The following LDB2 variants were observed in gnomAD, a reference collection of about 807,000 sequenced individuals.
LDB2 encodes LIM domain binding 2, also known as LIM domain-binding protein 2.
LDB2 carries 12 observed loss-of-function variants against 44.3 expected under a neutral mutation model. The ratio of observed to expected loss-of-function variants is 0.27; its 90% CI spans 0.17 to 0.44. The LOEUF (loss-of-function observed/expected upper bound fraction) is 0.44. LDB2 is among the 20% of genes least tolerant of loss of function. LDB2 has a pLI of 1.00. For synonymous variants in LDB2, 164 were observed against 174.8 expected (o/e 0.94, Z 0.49); for missense variants, 344 against 473.5 (o/e 0.73, Z 2.54).
chr4:16,512,348 A>C (rs546578613), intron 5 of LDB2, among the ~76,000 whole-genome samples: 1 of 152,186 alleles, frequency 6.6e-6, no homozygotes, highest in Non-Finnish European at 1.5e-5. Context: ...AGACACACAC[A>C]AACACACACA....
intron 7 of LDB2, chr4:16,506,172 C>T (rs1347948274): frequency 3.7e-6 from 2 of 538,680 alleles, no homozygotes; most frequent in East Asian, 3.0e-5. Flanking sequence ...ACTCAGTAGA[C>T]AGGGTTAAAA....
chr4:16,784,199 TCTC>T (rs571317572), intron 1 of LDB2, among the ~76,000 whole-genome samples: 1 of 151,928 alleles, frequency 6.6e-6, no homozygotes, highest in Non-Finnish European at 1.5e-5. Context: ...GGAAACAAAT[TCTC>T]CTCTTCAGAG....
intron 2 of LDB2, among the ~76,000 whole-genome samples, chr4:16,687,270 A>G (rs553826336): frequency 6.6e-6 from 1 of 152,190 alleles, no homozygotes; most frequent in African/African-American, 2.4e-5. Flanking sequence ...TTTGGAAGGT[A>G]ATAAGGTTAT....
intron 3 of LDB2, among the ~76,000 whole-genome samples, chr4:16,595,184 G>T (rs1720468249): frequency 6.6e-6 from 1 of 151,904 alleles, no homozygotes; most frequent in African/African-American, 2.4e-5. Flanking sequence ...TCACTCTTTT[G>T]TAAGTATACT....
chr4:16,606,905 T>C (rs908356559), intron 2 of LDB2, among the ~76,000 whole-genome samples: 1 of 152,214 alleles, frequency 6.6e-6, no homozygotes, highest in African/African-American at 2.4e-5. Context: ...GTTAGAGAAA[T>C]GTTGCCAGAG....
intron 1 of LDB2, among the ~76,000 whole-genome samples, chr4:16,854,678 TATATAACTATTAC>T (rs1303443410): frequency 6.7e-6 from 1 of 150,132 alleles, no homozygotes. Flanking sequence ...ATATATGTTA[TATATAACTATTAC>T]ATATAACATT....
At chr4:16,871,746 A>T (rs548429664) in intron 1 of LDB2, among the ~76,000 whole-genome samples, 185 of 150,540 alleles carry the variant, frequency 1.2e-3, no homozygotes, top group African/African-American at 4.3e-3. Flanking sequence ...TCAGCCTCCC[A>T]AGTACCTGGG....
chr4:16,813,191 G>T (rs1421293624), intron 1 of LDB2, among the ~76,000 whole-genome samples: 1 of 152,020 alleles, frequency 6.6e-6, no homozygotes, highest in Non-Finnish European at 1.5e-5. Flanking sequence ...TCGCCATGTT[G>T]GTCAGTCTGG....
At position 16,663,540 on chromosome 4, in the gene LDB2, CAT is replaced by C. The variant is rs138427557; in HGVS notation, c.236-67667_236-67666del. ...AGCCTCCTCTACATCACCTTGATGA[CAT>C]GTGCAAATATAATTTGGATGGTTTT... On this transcript the variant is annotated intron_variant, in intron 2 of 7. Transcript: ENST00000304523. Among the ~76,000 whole-genome samples the C allele has an allele frequency of 5.1e-4, 78 of 152,292 alleles. No homozygotes were observed. The East Asian group carries it at 0.01, about 20-fold the overall frequency.
intron 2 of LDB2, among the ~76,000 whole-genome samples, chr4:16,694,709 GCATCA>G: frequency 6.6e-6 from 1 of 152,294 alleles, no homozygotes; most frequent in East Asian, 1.9e-4. Flanking sequence ...GAAGGATCTA[GCATCA>G]CATGGCCAAG....
chr4:16,752,533 A>T (rs540609001), intron 2 of LDB2: 1 of 397,478 alleles, frequency 2.5e-6, no homozygotes, highest in South Asian at 1.9e-5. Flanking sequence ...CCAAATAAAT[A>T]ATGGGAACTC....
chr4:16,575,035 A>G (rs1000859267), intron 5 of LDB2, among the ~76,000 whole-genome samples: 4 of 152,160 alleles, frequency 2.6e-5, no homozygotes, highest in Admixed American at 2.0e-4. Flanking sequence ...TGTTAAGAGC[A>G]GGACATGACA....
Position 16,752,365 on chromosome 4 carries a change from T to C in LDB2, c.235+6793A>G, listed in dbSNP as rs1037153088. On this transcript the variant is annotated intron_variant, in intron 2 of 7. Transcript: ENST00000304523. ...AAAATCTCACCCTCTGTTGGACAGATGTGGTAATTGTAATTGTTTGGAACT... is the reference window on the plus strand; with the variant it reads ...AAAATCTCACCCTCTGTTGGACAGACGTGGTAATTGTAATTGTTTGGAACT... 30 of 447,196 alleles carry C rather than the reference T, an allele frequency of 6.7e-5. 1 individual carries two copies. The highest frequency in any genetic ancestry group is 1.2e-4 in the Non-Finnish European group (27 of 224,086). 27.7% of individuals were successfully genotyped at this position (447,196 alleles called of 1,614,324 possible). A position where few individuals can be genotyped will look rare whatever the true frequency, so the allele number is the denominator to read the frequency against.
At position 16,821,746 on chromosome 4, in the gene LDB2, C is replaced by CAAAAAAAAAAAAAAAA. The variant is rs562184189; in HGVS notation, c.133-62502_133-62487dup. 1.6e-3 allele frequency among the ~76,000 whole-genome samples: 101 copies of CAAAAAAAAAAAAAAAA among 61,734 alleles called. 5 individuals are homozygous for CAAAAAAAAAAAAAAAA. Among genetic ancestry groups the CAAAAAAAAAAAAAAAA allele is most frequent in the Non-Finnish European group, 1.8e-3 (62 of 34,978 alleles). The allele number at this position is 61,734 out of a possible 152,430, so 40.5% of individuals were successfully genotyped here. A position where few individuals can be genotyped will look rare whatever the true frequency, so the allele number is the denominator to read the frequency against. ...AATGGAAACCATTCCAACATTAAAG[C>CAAAAAAAAAAAAAAAA]AAAAAAAAAAAAAAAAAAAAAAAAT... On this transcript the variant is annotated intron_variant, in intron 1 of 7. Transcript: ENST00000304523.
At chr4:16,591,780 C>T (rs2152433804) in intron 3 of LDB2, among the ~76,000 whole-genome samples, 1 of 152,130 alleles carries the variant, frequency 6.6e-6, no homozygotes, top group Admixed American at 6.5e-5. Flanking sequence ...CAGGCATAGC[C>T]TATAAAAGGG....
At chr4:16,604,751 C>T (rs1343212430) in intron 2 of LDB2, among the ~76,000 whole-genome samples, 1 of 151,990 alleles carries the variant, frequency 6.6e-6, no homozygotes, top group East Asian at 1.9e-4. Flanking sequence ...TGATAAATGT[C>T]TAATTTGACT....
At chr4:16,598,963 C>T (rs536449602) in intron 2 of LDB2, among the ~76,000 whole-genome samples, 19 of 151,498 alleles carry the variant, frequency 1.3e-4, no homozygotes, top group African/African-American at 4.4e-4. Flanking sequence ...CCACTGCAGT[C>T]CTGTTCCAGC....
chr4:16,616,036 T>C (rs922778770), intron 2 of LDB2, among the ~76,000 whole-genome samples: 6 of 152,190 alleles, frequency 3.9e-5, no homozygotes, highest in African/African-American at 1.4e-4. Context: ...CATGAAATGC[T>C]CTTGCCTCAG....
At chr4:16,551,311 T>C (rs7659986) in intron 5 of LDB2, among the ~76,000 whole-genome samples, 127,454 of 152,096 alleles carry the variant, frequency 0.84, 54,114 homozygotes, top group Non-Finnish European at 0.9. Flanking sequence ...CTTAAAACAT[T>C]TCATACAATT....
Sources: allele counts gnomAD v4.1 joint callset (sites outside exome capture counted in the v4.1 genomes callset), GRCh38; gene constraint gnomAD v4.1.1; transcripts MANE v1.5; gene names NCBI Gene and HGNC (gene_info 2026-07-23, HGNC 2026-07-21).